The following TPRN variants were observed in gnomAD, a reference collection of about 807,000 sequenced individuals.
TPRN encodes taperin, also known as chromosome 9 open reading frame 75.
In TPRN, 32 loss-of-function variants were observed where a neutral mutation model predicts 42.6. That is an observed-to-expected ratio of 0.75 (90% CI 0.57 to 1.01). TPRN has a LOEUF of 1.01. Ranked by LOEUF, TPRN falls within the 50% of genes least tolerant of loss-of-function variation. TPRN has a pLI of 0.00. For synonymous variants in TPRN, 541 were observed against 445.6 expected (o/e 1.21, Z -2.70); for missense variants, 1,095 against 957.5 (o/e 1.14, Z -1.90).
Position 137,199,096 on chromosome 9 carries a change from C to T in TPRN, c.1616G>A (p.Gly539Glu), listed in dbSNP as rs1180560660. 9 of 1,613,274 alleles carry T rather than the reference C, an allele frequency of 5.6e-6. No individual in the cohort carries two copies. Among genetic ancestry groups the T allele is most frequent in the Non-Finnish European group, 7.6e-6 (9 of 1,179,990 alleles). Residue 539 changes from glycine (G) to glutamate (E), a missense_variant, in exon 1 of 4, where the codon GGG becomes GAG. Gly to Glu is a moderately conservative substitution (Grantham distance 98). Coordinates refer to ENST00000409012, the MANE Select transcript of TPRN (RefSeq NM_001128228.3). Reference protein sequence around the residue: ...AEEEEASCLLGPTLKKRYPTV... With the variant: ...AEEEEASCLLEPTLKKRYPTV... Reference sequence around the variant, plus strand: ...GGGGTAGCGCTTCTTCAACGTGGGCCCCAGGAGGCAACTAGCCTCCTCCTC... The same window carrying T: ...GGGGTAGCGCTTCTTCAACGTGGGCTCCAGGAGGCAACTAGCCTCCTCCTC...
Position 137,192,651 on chromosome 9 carries a change from A to G in TPRN, c.1766T>C (p.Phe589Ser). Residue 589 changes from phenylalanine (F) to serine (S), a missense_variant, in exon 2 of 4, where the codon TTT becomes TCT. Coordinates refer to ENST00000409012, the MANE Select transcript of TPRN (RefSeq NM_001128228.3). ...SFNDKSLQTT[F>S]EYPSESSLEQ... ...TAGGGAGCTCTCGGAAGGGTACTCA[A>G]ATGTGGTCTGCAGGCTTTTGTCGTT... is the stretch of plus-strand genomic sequence containing the variant. The G allele has an allele frequency of 6.2e-7, 1 of 1,613,828 alleles. No individual in the cohort carries two copies. Among genetic ancestry groups the G allele is most frequent in the South Asian group, 1.1e-5 (1 of 91,080 alleles).
In TPRN at chr9:137,199,113, C is replaced by T. The variant is rs546852586; in HGVS notation, c.1599G>A (p.Glu533=). Residue 533 remains glutamate (E), a synonymous_variant, in exon 1 of 4, where the codon GAG becomes GAA. Transcript: ENST00000409012. ...EPRPREAEEE[E]ASCLLGPTLK... ...ACGTGGGCCCCAGGAGGCAACTAGC[C>T]TCCTCCTCCTCGGCCTCCCGTGGCC... 8 of 1,613,100 alleles carry T rather than the reference C, an allele frequency of 5.0e-6. No homozygotes were observed. The highest frequency in any genetic ancestry group is 3.3e-5 in the Admixed American group (2 of 60,018).
chr9:137,192,460 C>G lies in TPRN; in HGVS notation c.1957G>C (p.Gly653Arg). ...CCAGGTGGGCACTCACCTGAGCTACCCTCTGGCAGCCGAGAGCTCTCGGGT... is the reference window on the plus strand; with the variant it reads ...CCAGGTGGGCACTCACCTGAGCTACGCTCTGGCAGCCGAGAGCTCTCGGGT... ...VRPESSRLPE[G>R]SSGLSSYTPK... is the part of the protein sequence containing the mutation. Residue 653 changes from glycine to arginine, a missense_variant, in exon 2 of 4, where the codon GGT becomes CGT. Coordinates refer to ENST00000409012, the MANE Select transcript of TPRN (RefSeq NM_001128228.3). 1 of 1,606,292 alleles carries G rather than the reference C, an allele frequency of 6.2e-7. No individual in the cohort carries two copies. The highest frequency in any genetic ancestry group is 8.5e-7 in the Non-Finnish European group (1 of 1,176,870).
At position 137,200,402 on chromosome 9, in the gene TPRN, G is replaced by T; in HGVS notation, c.310C>A (p.Pro104Thr). The T allele has an allele frequency of 9.0e-7, 1 of 1,116,596 alleles. No homozygotes were observed. The highest frequency in any genetic ancestry group is 2.5e-5 in the South Asian group (1 of 39,816). The allele number at this position is 1,116,596 out of a possible 1,614,324, so 69.2% of individuals were successfully genotyped here. Residue 104 changes from proline (P) to threonine (T), a missense_variant, in exon 1 of 4, where the codon CCC (proline) becomes ACC (threonine). Transcript: ENST00000409012. The surrounding 1 kb of genome is among the most constrained non-coding windows in gnomAD (Gnocchi z 4.3). ...ADSVLIIETVPGFPPAPPAPG... is the reference protein window; with the variant it reads ...ADSVLIIETVTGFPPAPPAPG... ...GCGGGCGGCGCGGGCGGGAAGCCGG[G>T]CACCGTCTCGATGATGAGGACGCTG...
chr9:137,200,673 A>C lies in TPRN; in HGVS notation c.39T>G (p.Ala13=). Residue 13 remains alanine, a synonymous_variant, in exon 1 of 4, where the codon GCT becomes GCG. Coordinates refer to ENST00000409012, the MANE Select transcript of TPRN (RefSeq NM_001128228.3). This position sits in a 1 kb window ranked among gnomAD's most constrained non-coding sequence, Gnocchi z 4.3. ...TCTCACGCTTCCAAGCGGGCACCGC[A>C]GCGCGCGGCCCCGAGCCCGGCCGCC... The part of the protein sequence containing the change: ...ALGRPGSGPR[A]AVPAWKREIL... The C allele has an allele frequency of 8.1e-7, 1 of 1,233,572 alleles. No homozygotes were observed. The allele number at this position is 1,233,572 out of a possible 1,614,324, so 76.4% of individuals were successfully genotyped here.
At chr9:137,197,944 G>A (rs1403498529) in intron 1 of TPRN, among the ~76,000 whole-genome samples, 2 of 152,204 alleles carry the variant, frequency 1.3e-5, no homozygotes, top group Admixed American at 1.3e-4. Context: ...TATGGCACAG[G>A]GAGAGGCGCA....
Position 137,199,401 on chromosome 9 carries a change from CCT to C in TPRN, c.1309_1310del (p.Arg437GlyfsTer8). On this transcript the variant is annotated frameshift_variant, in exon 1 of 4. Transcript: ENST00000409012. LOFTEE classifies it high-confidence loss of function. ...SEEAEPAEGL[R>X]VPGLAKNSRE... ...GGCTATTCTTGGCCAAGCCAGGAAC[CCT>C]GAGGCCCTCAGCAGGCTCAGCTTCT... 6.2e-7 allele frequency: 1 copy of C among 1,612,598 alleles called. No homozygotes were observed. Among genetic ancestry groups the C allele is most frequent in the Non-Finnish European group, 8.5e-7 (1 of 1,179,912 alleles).
At chr9:137,195,344 C>A (rs1163399461) in intron 1 of TPRN, among the ~76,000 whole-genome samples, 1 of 152,232 alleles carries the variant, frequency 6.6e-6, no homozygotes, top group Admixed American at 6.5e-5. Context: ...CCAGGCCGCT[C>A]CTGGGGTTCC....
rs2131355023 is a variant in TPRN at position 137,200,159 on chromosome 9, C to T, written c.553G>A (p.Gly185Ser). 8.3e-7 allele frequency: 1 copy of T among 1,197,866 alleles called. No homozygotes were observed. Among genetic ancestry groups the T allele is most frequent in the Non-Finnish European group, 1.0e-6 (1 of 967,942 alleles). 74.2% of individuals were successfully genotyped at this position (1,197,866 alleles called of 1,614,324 possible). ...CGCCGGGCCCCGGGGCTCGCCCCGC[C>T]ACCGCGGGGCCCGGGCGCGGCGGGC... ...SPPAAPGPRG[G>S]GASPGARRSD... The change falls in exon 1 of 4, where the codon GGC becomes AGC. Residue 185 changes from glycine to serine, a missense_variant. Gly to Ser is a moderately conservative substitution (Grantham distance 56). Transcript: ENST00000409012. The surrounding 1 kb of genome is among the most constrained non-coding windows in gnomAD (Gnocchi z 4.3).
At chr9:137,195,659 C>T (rs1228312203) in intron 1 of TPRN, among the ~76,000 whole-genome samples, 3 of 152,136 alleles carry the variant, frequency 2.0e-5, no homozygotes, top group Admixed American at 2.0e-4. Flanking sequence ...CCTGGGTGTC[C>T]AGGACTGAGC....
In TPRN at chr9:137,200,057, G is replaced by T. The variant is rs559890679; in HGVS notation, c.655C>A (p.Arg219Ser). 1.7e-3 allele frequency: 2,404 copies of T among 1,433,804 alleles called. 5 individuals are homozygous for T. Among genetic ancestry groups the T allele is most frequent in the Non-Finnish European group, 2.0e-3 (2,225 of 1,100,606 alleles). 88.8% of individuals were successfully genotyped at this position (1,433,804 alleles called of 1,614,324 possible). The change falls in exon 1 of 4, where the codon CGC (arginine) becomes AGC (serine). Residue 219 changes from arginine (R) to serine (S), a missense_variant. Coordinates refer to ENST00000409012, the MANE Select transcript of TPRN (RefSeq NM_001128228.3). This position sits in a 1 kb window ranked among gnomAD's most constrained non-coding sequence, Gnocchi z 4.3. Reference protein sequence around the residue: ...PRGLHRGAGARLLSNGHSAPE... With the variant: ...PRGLHRGAGASLLSNGHSAPE... ...GCCGAGTGCCCGTTGGAGAGCAGGC[G>T]GGCGCCCGCGCCGCGGTGCAGACCC...
chr9:137,195,520 G>A (rs1564384349), intron 1 of TPRN, among the ~76,000 whole-genome samples: 1 of 152,266 alleles, frequency 6.6e-6, no homozygotes, highest in Admixed American at 6.5e-5. Flanking sequence ...CCAGCCTGGG[G>A]CTTGGTGCTG....
intron 1 of TPRN, among the ~76,000 whole-genome samples, chr9:137,195,423 A>G (rs1292334814): frequency 6.6e-6 from 1 of 152,158 alleles, no homozygotes; most frequent in Admixed American, 6.5e-5. Context: ...AGGAAAGGAA[A>G]ACTGACAAGA....
chr9:137,200,393 G>T lies in TPRN; in HGVS notation c.319C>A (p.Pro107Thr). ...GCCCCCGGGGCGGGCGGCGCGGGCG[G>T]GAAGCCGGGCACCGTCTCGATGATG... The part of the protein sequence containing the change: ...VLIIETVPGF[P>T]PAPPAPGAAQ... Residue 107 changes from proline (P) to threonine (T), a missense_variant, in exon 1 of 4, where the codon CCG becomes ACG. Pro to Thr is a conservative substitution (Grantham distance 38). Coordinates refer to ENST00000409012, the MANE Select transcript of TPRN (RefSeq NM_001128228.3). The surrounding 1 kb of genome is among the most constrained non-coding windows in gnomAD (Gnocchi z 4.3). The T allele has an allele frequency of 9.1e-7, 1 of 1,098,640 alleles. No individual in the cohort carries two copies. The highest frequency in any genetic ancestry group is 7.5e-5 in the East Asian group (1 of 13,352). 68.1% of individuals were successfully genotyped at this position (1,098,640 alleles called of 1,614,324 possible).
intron 1 of TPRN, among the ~76,000 whole-genome samples, chr9:137,197,690 G>A (rs1365329923): frequency 6.6e-6 from 1 of 152,240 alleles, no homozygotes; most frequent in Non-Finnish European, 1.5e-5. Flanking sequence ...AGACGCAGGG[G>A]AGGGAGAGGC....
Position 137,200,195 on chromosome 9 carries a change from CCGCGGGCGGGGGCCGGGGCGG to C in TPRN, c.496_516del (p.Pro166_Ala172del), listed in dbSNP as rs1201109957. 10 of 964,370 alleles carry C rather than the reference CCGCGGGCGGGGGCCGGGGCGG, an allele frequency of 1.0e-5. No homozygotes were observed. Among genetic ancestry groups the C allele is most frequent in the Admixed American group, 1.3e-4 (2 of 15,520 alleles). The allele number at this position is 964,370 out of a possible 1,614,324, so 59.7% of individuals were successfully genotyped here. ...CCGGGCGCGGCGGGCGGGCTGGGGG[CCGCGGGCGGGGGCCGGGGCGG>C]CGCGGGCGGCGGCGGCGGCGGCGGG... On this transcript the variant is annotated inframe_deletion, in exon 1 of 4. Coordinates refer to ENST00000409012, the MANE Select transcript of TPRN (RefSeq NM_001128228.3). This position sits in a 1 kb window ranked among gnomAD's most constrained non-coding sequence, Gnocchi z 4.3.
Position 137,200,260 on chromosome 9 carries a change from C to T in TPRN, c.452G>A (p.Ser151Asn). 1.0e-6 allele frequency: 1 copy of T among 976,208 alleles called. No homozygotes were observed. The highest frequency in any genetic ancestry group is 1.2e-6 in the Non-Finnish European group (1 of 826,088). 60.5% of individuals were successfully genotyped at this position (976,208 alleles called of 1,614,324 possible). Residue 151 changes from serine to asparagine, a missense_variant, in exon 1 of 4, where the codon AGC becomes AAC. Coordinates refer to ENST00000409012, the MANE Select transcript of TPRN (RefSeq NM_001128228.3). The surrounding 1 kb of genome is among the most constrained non-coding windows in gnomAD (Gnocchi z 4.3). ...CGGCGGGGGGCGGGCGCGCTCGGGG[C>T]TCCCGCGGCGGCGCGGCGCGGCGGG... The part of the protein sequence containing the change: ...DPPAAPRRRG[S>N]PERARPPPPP...
Position 137,200,202 on chromosome 9 carries a change from C to T in TPRN, c.510G>A (p.Pro170=), listed in dbSNP as rs1326504023. 5.3e-6 allele frequency: 5 copies of T among 938,772 alleles called. No individual in the cohort carries two copies. In the African/African-American group the frequency reaches 7.6e-5, roughly 14 times the overall value. 58.2% of individuals were successfully genotyped at this position (938,772 alleles called of 1,614,324 possible). A position where few individuals can be genotyped will look rare whatever the true frequency, so the allele number is the denominator to read the frequency against. Residue 170 remains proline, a synonymous_variant, in exon 1 of 4, where the codon CCG becomes CCA. Transcript: ENST00000409012. This position sits in a 1 kb window ranked among gnomAD's most constrained non-coding sequence, Gnocchi z 4.3. ...PPPPPAPPRP[P]PAAPSPPAAP... ...CGGCGGGCGGGCTGGGGGCCGCGGG[C>T]GGGGGCCGGGGCGGCGCGGGCGGCG...
chr9:137,192,458 ACCCTCTGGCAGC>A lies in TPRN; in HGVS notation c.1947_1958del (p.Leu650_Gly653del). The A allele has an allele frequency of 6.2e-7, 1 of 1,606,362 alleles. No individual in the cohort carries two copies. On this transcript the variant is annotated inframe_deletion, in exon 2 of 4. Transcript: ENST00000409012. ...CCCCAGGTGGGCACTCACCTGAGCTACCCTCTGGCAGCCGAGAGCTCTCGGGTCTCACGCTGC... is the reference window on the plus strand; with the variant it reads ...CCCCAGGTGGGCACTCACCTGAGCTACGAGAGCTCTCGGGTCTCACGCTGC...
Sources: gnomAD v4.1 joint callset for allele counts (sites outside exome capture counted in the v4.1 genomes callset) on GRCh38, gnomAD v4.1.1 for gene constraint, Gnocchi (gnomAD v3.1) non-coding constraint, MANE v1.5 for transcripts, NCBI Gene and HGNC (gene_info 2026-07-23, HGNC 2026-07-21) for gene names.